PSPC1: variants seen among roughly 807,000 people sequenced by gnomAD.
PSPC1 encodes paraspeckle component 1, also known as paraspeckle protein 1.
A neutral mutation model predicts 51.6 loss-of-function variants in PSPC1; 14 were observed. The observed-to-expected ratio is 0.27, with a 90% confidence interval of 0.18 to 0.42. PSPC1 has a LOEUF of 0.42. Ranked by LOEUF, PSPC1 falls within the 10% of genes least tolerant of loss-of-function variation. The pLI is 1.00. For synonymous variants in PSPC1, 193 were observed against 231.9 expected, an observed-to-expected ratio of 0.83 and a Z score of 1.53; for missense variants, 406 against 701.1, an observed-to-expected ratio of 0.58 and a Z score of 4.75.
At chr13:19,745,735 T>A (rs1351663047) in intron 4 of PSPC1, among the ~76,000 whole-genome samples, 1 of 151,138 alleles carries the variant, frequency 6.6e-6, no homozygotes, top group Admixed American at 6.6e-5. Context: ...TTCTCCCGCC[T>A]CAGCCTCCCA....
At chr13:19,681,886 A>T (rs1877305535) in intron 6 of PSPC1, among the ~76,000 whole-genome samples, 1 of 152,248 alleles carries the variant, frequency 6.6e-6, no homozygotes, top group Non-Finnish European at 1.5e-5. Context: ...AATATACAGG[A>T]TTACCTTTCA....
intron 2 of PSPC1, among the ~76,000 whole-genome samples, chr13:19,765,347 T>TAATA (rs1555248077): frequency 2.7e-4 from 38 of 139,032 alleles, no homozygotes; most frequent in African/African-American, 8.7e-4. Context: ...TAATAATAAT[T>TAATA]ATTATTATTA....
intron 1 of PSPC1, among the ~76,000 whole-genome samples, chr13:19,774,622 G>A (rs745761205): frequency 1.3e-4 from 20 of 150,196 alleles, no homozygotes; most frequent in Non-Finnish European, 2.7e-4. Flanking sequence ...GGCCAACATG[G>A]CAAAACCTAG....
chr13:19,723,741 G>A (rs569706973), intron 6 of PSPC1, among the ~76,000 whole-genome samples: 38 of 152,164 alleles, frequency 2.5e-4, no homozygotes, highest in Admixed American at 2.3e-3. Flanking sequence ...GTTTTTATTT[G>A]ATCACAAAAG....
At chr13:19,697,363 A>C (rs1879384491) in intron 6 of PSPC1, among the ~76,000 whole-genome samples, 1 of 152,118 alleles carries the variant, frequency 6.6e-6, no homozygotes, top group South Asian at 2.1e-4. Flanking sequence ...GCTGTCCCTT[A>C]ATTTAGAGGA....
intron 5 of PSPC1, among the ~76,000 whole-genome samples, chr13:19,739,936 G>A (rs1157600452): frequency 2.0e-5 from 3 of 151,610 alleles, no homozygotes; most frequent in African/African-American, 7.3e-5. Flanking sequence ...CCAGGTGGCT[G>A]GGCCTCACCA....
chr13:19,671,785 A>G, downstream of PSPC1: 1 of 1,578,656 alleles, frequency 6.3e-7, no homozygotes, highest in Non-Finnish European at 8.7e-7. Flanking sequence ...CTTGTAAGAA[A>G]GGGGAAATCT....
At chr13:19,671,412 G>A (rs2137548797), downstream of PSPC1, 3 of 781,718 alleles carry the variant, frequency 3.8e-6, no homozygotes, top group Middle Eastern at 2.3e-4. Context: ...GGCACTCCCT[G>A]GGGTAGTGAT....
chr13:19,707,574 T>G (rs968738562), intron 7 of PSPC1, among the ~76,000 whole-genome samples: 1 of 152,176 alleles, frequency 6.6e-6, no homozygotes, highest in Non-Finnish European at 1.5e-5. Flanking sequence ...GAATGAAGAC[T>G]GAAGAGAAAA....
At chr13:19,759,844 A>G (rs1429240096) in intron 2 of PSPC1, among the ~76,000 whole-genome samples, 1 of 142,970 alleles carries the variant, frequency 7.0e-6, no homozygotes, top group Non-Finnish European at 1.5e-5. Flanking sequence ...CCTGGGCAAC[A>G]CAGCAAGACT....
At chr13:19,699,318 T>C (rs1373693001), downstream of PSPC1, 1 of 82,650 alleles carries the variant, frequency 1.2e-5, no homozygotes, top group Admixed American at 1.4e-4. Context: ...AATTTTTTTC[T>C]GCATTTTTTT....
chr13:19,729,099 G>A (rs924339953), intron 6 of PSPC1, among the ~76,000 whole-genome samples: 2 of 152,030 alleles, frequency 1.3e-5, no homozygotes, highest in African/African-American at 4.8e-5. Context: ...GCTAGAGCTT[G>A]CCAACTTACA....
chr13:19,718,649 G>A (rs1427929043), intron 6 of PSPC1, among the ~76,000 whole-genome samples: 1 of 152,008 alleles, frequency 6.6e-6, no homozygotes, highest in Admixed American at 6.6e-5. Flanking sequence ...CCAAGGAGGT[G>A]CAAACTTATG....
intron 5 of PSPC1, 94 bp from the exon 6 acceptor site, chr13:19,730,438 A>T: frequency 8.8e-7 from 1 of 1,135,828 alleles, no homozygotes; most frequent in Non-Finnish European, 1.3e-6. Context: ...TTATGCAATC[A>T]TATTATGCCA....
chr13:19,683,618 C>A (rs9551976), intron 6 of PSPC1, among the ~76,000 whole-genome samples: 139,464 of 152,220 alleles, frequency 0.92, 65,103 homozygotes, highest in Non-Finnish European at 1. Flanking sequence ...AATTCTAAAA[C>A]GCAAAATTTT....
At chr13:19,760,746 T>C (rs1887537803) in intron 2 of PSPC1, among the ~76,000 whole-genome samples, 1 of 151,976 alleles carries the variant, frequency 6.6e-6, no homozygotes, top group South Asian at 2.1e-4. Flanking sequence ...CCCAGCACTT[T>C]GGTAGGCTGA....
At position 19,771,446 on chromosome 13, in the gene PSPC1, T is replaced by C. The variant is rs570116776; in HGVS notation, c.674+796A>G. Reference sequence around the variant, plus strand: ...AGCCACCGCGCCTGGCCCAAGGTACTATTTTTTTTGAGACAAGGTCACTCG... The same window carrying C: ...AGCCACCGCGCCTGGCCCAAGGTACCATTTTTTTTGAGACAAGGTCACTCG... On this transcript the variant is annotated intron_variant, in intron 2 of 8. Coordinates refer to ENST00000338910, the MANE Select transcript of PSPC1 (RefSeq NM_001354909.2). Among the ~76,000 whole-genome samples the C allele has an allele frequency of 1.1e-4, 16 of 152,166 alleles. No individual in the cohort carries two copies. The South Asian group carries it at 3.1e-3, about 30-fold the overall frequency.
intron 7 of PSPC1, among the ~76,000 whole-genome samples, chr13:19,709,108 A>G (rs1374065567): frequency 2.0e-5 from 3 of 148,502 alleles, no homozygotes; most frequent in South Asian, 2.2e-4. Flanking sequence ...TCAGCAAGCC[A>G]AGTTTGTGCC....
chr13:19,739,863 A>T (rs1002191857), intron 5 of PSPC1, among the ~76,000 whole-genome samples: 3 of 119,300 alleles, frequency 2.5e-5, no homozygotes, highest in Non-Finnish European at 5.3e-5. Context: ...AGAGTTGTTT[A>T]AAAAAAAAAA....
Sources: allele counts gnomAD v4.1 joint callset (sites outside exome capture counted in the v4.1 genomes callset), GRCh38; gene constraint gnomAD v4.1.1; transcripts MANE v1.5; gene names NCBI Gene and HGNC (gene_info 2026-07-23, HGNC 2026-07-21).